The following NUP85 variants were observed in gnomAD, a reference collection of about 807,000 sequenced individuals.
NUP85 encodes nucleoporin 85.
NUP85 carries 23 observed loss-of-function variants against 92.8 expected under a neutral mutation model. That is an observed-to-expected ratio of 0.25 (90% CI 0.18 to 0.35). The LOEUF is 0.35. NUP85 is among the 10% of genes least tolerant of loss of function. The pLI is 1.00. For missense variants in NUP85, 759 were observed against 822.8 expected (o/e 0.92, Z 0.95); for synonymous variants, 314 against 306.9 (o/e 1.02, Z -0.24).
intron 1 of NUP85, chr17:75,208,306 G>A: frequency 2.3e-6 from 1 of 439,904 alleles, no homozygotes; most frequent in East Asian, 3.8e-5. Flanking sequence ...ATAGCCGGGT[G>A]TGGTTGCACA....
At chr17:75,207,765 A>G (rs1275749328) in intron 1 of NUP85, among the ~76,000 whole-genome samples, 1 of 151,976 alleles carries the variant, frequency 6.6e-6, no homozygotes, top group Non-Finnish European at 1.5e-5. Flanking sequence ...GGCATGAGCC[A>G]CCGCGCTTGG....
chr17:75,218,839 C>T (rs560446720), intron 7 of NUP85, among the ~76,000 whole-genome samples: 16 of 152,198 alleles, frequency 1.1e-4, no homozygotes, highest in African/African-American at 2.9e-4. Context: ...CTGCAACCTC[C>T]GCCTCCTGTG....
chr17:75,235,278 T>C, intron 18 of NUP85, 77 bp downstream of exon 18: 2 of 1,054,834 alleles, frequency 1.9e-6, no homozygotes, highest in Non-Finnish European at 2.8e-6. Flanking sequence ...TCCCCTTCCC[T>C]CCAGAAACAC....
At chr17:75,230,398 C>T (rs1278440465) in intron 11 of NUP85, among the ~76,000 whole-genome samples, 2 of 138,582 alleles carry the variant, frequency 1.4e-5, no homozygotes, top group Non-Finnish European at 3.0e-5. Context: ...CTCACTTTGT[C>T]GCCCAGGCCG....
At chr17:75,216,819 C>T (rs1229140178) in intron 6 of NUP85, among the ~76,000 whole-genome samples, 1 of 152,122 alleles carries the variant, frequency 6.6e-6, no homozygotes, top group African/African-American at 2.4e-5. Context: ...ACAGTTGGCT[C>T]TTTGTATCTG....
intron 11 of NUP85, chr17:75,226,854 G>A: frequency 2.6e-6 from 1 of 386,678 alleles, no homozygotes; most frequent in Non-Finnish European, 5.2e-6. Context: ...GGGATGGCGT[G>A]TTCCAAGAGT....
At chr17:75,232,168 C>T in intron 14 of NUP85, 189 bp downstream of exon 14, 2 of 619,288 alleles carry the variant, frequency 3.2e-6, no homozygotes, top group Non-Finnish European at 5.5e-6. Context: ...AGCTAGGGAT[C>T]CACTGGAACC....
chr17:75,211,873 C>T (rs531808430), intron 3 of NUP85, 119 bp from the exon 4 acceptor site: 3 of 765,110 alleles, frequency 3.9e-6, no homozygotes, highest in African/African-American at 3.5e-5. Context: ...TTAGGAGCTC[C>T]TTCACAACGG....
rs1311337145 is a variant in NUP85 at position 75,235,085 on chromosome 17, G to A, written c.1768-15G>A. On this transcript the variant is annotated splice_polypyrimidine_tract_variant and intron_variant, in intron 17 of 18. Coordinates refer to ENST00000245544, the MANE Select transcript of NUP85 (RefSeq NM_024844.5). ...GGGCTGGGGGCAGCCAAGCAAGGCA[G>A]GCTCTCTTCCCTAGGTGATTTTCTC... 6.2e-7 allele frequency: 1 copy of A among 1,608,248 alleles called. No individual in the cohort carries two copies. Among genetic ancestry groups the A allele is most frequent in the East Asian group, 2.2e-5 (1 of 44,860 alleles).
intron 3 of NUP85, among the ~76,000 whole-genome samples, chr17:75,210,866 T>C (rs1436714461): frequency 6.6e-6 from 1 of 151,642 alleles, no homozygotes; most frequent in Admixed American, 6.6e-5. Flanking sequence ...CACATCCGGC[T>C]AATTTTTTGT....
chr17:75,235,716 A>G lies in NUP85; in HGVS notation c.*37A>G, dbSNP rs1448385647. On this transcript the variant is annotated 3_prime_UTR_variant, in exon 19 of 19. Coordinates refer to ENST00000245544, the MANE Select transcript of NUP85 (RefSeq NM_024844.5). ...ATGTGGTATCTTTGTATGGCAATGT[A>G]TATAGATTTTTTTAAAAGAATAAAT... 3 of 1,348,298 alleles carry G rather than the reference A, an allele frequency of 2.2e-6. No individual in the cohort carries two copies. The highest frequency in any genetic ancestry group is 2.4e-5 in the African/African-American group (1 of 42,422). 83.5% of individuals were successfully genotyped at this position (1,348,298 alleles called of 1,614,324 possible).
chr17:75,225,856 TG>T (rs1384966115), intron 10 of NUP85, 27 bp downstream of exon 10: 1 of 1,549,384 alleles, frequency 6.5e-7, no homozygotes, highest in Non-Finnish European at 8.9e-7. Context: ...TGGGCAAGGG[TG>T]GGGGTAGGAG....
chr17:75,229,778 C>G (rs150619750), intron 11 of NUP85, among the ~76,000 whole-genome samples: 1 of 152,150 alleles, frequency 6.6e-6, no homozygotes, highest in Non-Finnish European at 1.5e-5. Flanking sequence ...GGGAAGACAC[C>G]GGGCACTGTC....
intron 6 of NUP85, among the ~76,000 whole-genome samples, chr17:75,217,488 T>C (rs1349798375): frequency 6.6e-6 from 1 of 151,886 alleles, no homozygotes; most frequent in Non-Finnish European, 1.5e-5. Context: ...AGACATGAAC[T>C]ACCATGCCCG....
At chr17:75,224,003 C>T (rs1288080732) in intron 7 of NUP85, among the ~76,000 whole-genome samples, 1 of 152,080 alleles carries the variant, frequency 6.6e-6, no homozygotes, top group Non-Finnish European at 1.5e-5. Flanking sequence ...AGTCCCTCCT[C>T]TTGGGGTTGT....
At chr17:75,215,660 C>G (rs957048456) in intron 5 of NUP85, 94 bp from the exon 6 acceptor site, 1 of 1,122,408 alleles carries the variant, frequency 8.9e-7, no homozygotes, top group South Asian at 1.3e-5. Context: ...TAAGGAATGA[C>G]TGTCATATGA....
At chr17:75,234,428 T>G (rs1053327461) in intron 16 of NUP85, among the ~76,000 whole-genome samples, 7 of 152,224 alleles carry the variant, frequency 4.6e-5, no homozygotes, top group African/African-American at 1.7e-4. Context: ...ATTTGGCTCT[T>G]CGGAGTTCTT....
rs1170828987 is a variant in NUP85, at chr17:75,213,266, G to A, written c.405+147G>A. On this transcript the variant is annotated intron_variant, in intron 5 of 18. Transcript: ENST00000245544. ...TCCTTTGGGTGACAGTGATTGTCTT[G>A]CCCCCTTCAAGGTGTAGCTCACAAG... The A allele has an allele frequency of 4.6e-6, 3 of 658,940 alleles. No homozygotes were observed. In the Admixed American group the frequency reaches 8.3e-5, roughly 18 times the overall value. The allele number at this position is 658,940 out of a possible 1,614,324, so 40.8% of individuals were successfully genotyped here.
intron 6 of NUP85, 143 bp from the exon 7 acceptor site, chr17:75,218,042 T>C: frequency 9.7e-7 from 1 of 1,030,122 alleles, no homozygotes; most frequent in South Asian, 1.5e-5. Flanking sequence ...AGTCTGTCAT[T>C]CAGGACCATG....
Sources: allele counts gnomAD v4.1 joint callset (sites outside exome capture counted in the v4.1 genomes callset), GRCh38; gene constraint gnomAD v4.1.1; transcripts MANE v1.5; gene names NCBI Gene and HGNC (gene_info 2026-07-23, HGNC 2026-07-21).